Variants in MSRA observed in about 807,000 individuals in gnomAD.
MSRA encodes the protein methionine sulfoxide reductase A.
Under a neutral mutation model 31.3 loss-of-function variants are expected in MSRA, and 54 were observed. The observed-to-expected ratio is 1.73, with a 90% confidence interval of 1.39 to 2.17. The LOEUF is 2.17. MSRA is among the 30% of genes most tolerant of loss of function. The pLI is 0.00. For synonymous variants in MSRA, 169 were observed against 116.5 expected (o/e 1.45, Z -2.90); for missense variants, 507 against 300.9 (o/e 1.69, Z -5.07).
chr8:10,229,751 CAGTA>C (rs1417787523), intron 2 of MSRA, among the ~76,000 whole-genome samples: 5 of 152,172 alleles, frequency 3.3e-5, no homozygotes, highest in Non-Finnish European at 7.3e-5. Flanking sequence ...TGAGGCCACA[CAGTA>C]AGTGTTTCAG....
At chr8:10,184,494 GAC>G (rs1806845981) in intron 1 of MSRA, among the ~76,000 whole-genome samples, 1 of 151,990 alleles carries the variant, frequency 6.6e-6, no homozygotes, top group Admixed American at 6.6e-5. Flanking sequence ...TCTCTTTCCA[GAC>G]TGGGATTAAA....
At chr8:10,118,770 T>G (rs1159063426) in intron 1 of MSRA, among the ~76,000 whole-genome samples, 1 of 152,192 alleles carries the variant, frequency 6.6e-6, no homozygotes, top group Non-Finnish European at 1.5e-5. Flanking sequence ...AGCTCCTCTG[T>G]TACCTCCAAT....
chr8:10,331,132 A>C (rs978844816), intron 5 of MSRA, among the ~76,000 whole-genome samples: 1 of 152,260 alleles, frequency 6.6e-6, no homozygotes, highest in Non-Finnish European at 1.5e-5. Flanking sequence ...CTACCTTGCC[A>C]GAACCTTGAT....
At chr8:10,423,747 A>T (rs1808955450) in intron 5 of MSRA, among the ~76,000 whole-genome samples, 1 of 152,168 alleles carries the variant, frequency 6.6e-6, no homozygotes, top group African/African-American at 2.4e-5. Context: ...ACTCTGTGAC[A>T]CGGAAAGTGG....
chr8:10,177,052 T>C (rs1367653836), intron 1 of MSRA, among the ~76,000 whole-genome samples: 1 of 152,210 alleles, frequency 6.6e-6, no homozygotes, highest in Non-Finnish European at 1.5e-5. Context: ...TGAGAAATGG[T>C]TCTCAAGACT....
At chr8:10,101,648 T>C (rs892630046) in intron 1 of MSRA, among the ~76,000 whole-genome samples, 6 of 152,206 alleles carry the variant, frequency 3.9e-5, no homozygotes, top group African/African-American at 1.4e-4. Flanking sequence ...GTTTGTCCTT[T>C]TGTGACTGGC....
intron 3 of MSRA, among the ~76,000 whole-genome samples, chr8:10,281,776 C>G (rs531697982): frequency 6.6e-6 from 1 of 152,278 alleles, no homozygotes; most frequent in Admixed American, 6.5e-5. Flanking sequence ...GAAGTAGCAG[C>G]CTGCTTTGTA....
chr8:10,150,491 T>C lies in MSRA; in HGVS notation c.143-57342T>C, dbSNP rs149428314. On this transcript the variant is annotated intron_variant, in intron 1 of 5. Coordinates refer to ENST00000317173, the MANE Select transcript of MSRA (RefSeq NM_012331.5). ...CCTTTTATCAATTGAAACAAACCAA[T>C]TAAAAATTTCAAAATGCAACCATGT... 7.5e-4 allele frequency among the ~76,000 whole-genome samples: 114 copies of C among 152,214 alleles called. 1 individual carries two copies. In the East Asian group the frequency reaches 0.015, roughly 21 times the overall value.
chr8:10,279,842 G>A lies in MSRA; in HGVS notation c.332-21692G>A, dbSNP rs149801428. Among the ~76,000 whole-genome samples the A allele has an allele frequency of 3.0e-3, 463 of 152,262 alleles. 3 individuals are homozygous for A. Among genetic ancestry groups the A allele is most frequent in the Admixed American group, 4.5e-3 (69 of 15,280 alleles). On this transcript the variant is annotated intron_variant, in intron 3 of 5. Coordinates refer to ENST00000317173, the MANE Select transcript of MSRA (RefSeq NM_012331.5). The stretch of plus-strand genomic sequence containing the variant: ...CCATGAATATGTATATATGTATGAT[G>A]TAATCCTGAGTGTGCTTCTGGAGCT...
At chr8:10,079,370 G>C (rs1798166287) in intron 1 of MSRA, among the ~76,000 whole-genome samples, 1 of 152,088 alleles carries the variant, frequency 6.6e-6, no homozygotes, top group Admixed American at 6.5e-5. Flanking sequence ...GCCCAGGCTT[G>C]TCTCGAACTC....
chr8:10,399,366 G>C (rs537299687), intron 5 of MSRA, among the ~76,000 whole-genome samples: 45 of 152,290 alleles, frequency 3.0e-4, no homozygotes, highest in Non-Finnish European at 5.3e-4. Context: ...TTGGCGGTGG[G>C]CCTGGTGCCA....
intron 4 of MSRA, among the ~76,000 whole-genome samples, chr8:10,316,563 T>TCC (rs1801734388): frequency 9.4e-6 from 1 of 106,378 alleles, no homozygotes; most frequent in Non-Finnish European, 2.0e-5. Context: ...TCTCTCTCTC[T>TCC]CTCTCTCTCT....
chr8:10,241,315 T>G (rs2129079796), intron 2 of MSRA, among the ~76,000 whole-genome samples: 1 of 152,244 alleles, frequency 6.6e-6, no homozygotes, highest in Middle Eastern at 3.4e-3. Flanking sequence ...AAAGAAGCTA[T>G]GAGACAACTG....
At chr8:10,062,279 C>T (rs987828513) in intron 1 of MSRA, among the ~76,000 whole-genome samples, 8 of 152,194 alleles carry the variant, frequency 5.3e-5, no homozygotes, top group African/African-American at 1.4e-4. Context: ...CAGCTGACAT[C>T]GGCAACCCTC....
At chr8:10,256,882 T>C (rs1798212162) in intron 3 of MSRA, among the ~76,000 whole-genome samples, 1 of 152,144 alleles carries the variant, frequency 6.6e-6, no homozygotes, top group African/African-American at 2.4e-5. Flanking sequence ...CTGCCCTCCT[T>C]CTCCTGCCCC....
At chr8:10,379,368 T>C (rs1374641905) in intron 5 of MSRA, among the ~76,000 whole-genome samples, 1 of 152,130 alleles carries the variant, frequency 6.6e-6, no homozygotes, top group Non-Finnish European at 1.5e-5. Flanking sequence ...GGATCACCAC[T>C]GAACGTTCCC....
At chr8:10,188,539 C>G (rs1436024940) in intron 1 of MSRA, among the ~76,000 whole-genome samples, 2 of 152,186 alleles carry the variant, frequency 1.3e-5, no homozygotes, top group African/African-American at 4.8e-5. Context: ...GTTGTGAGCA[C>G]TTTCACATTT....
At chr8:10,301,309 A>T (rs947417366) in intron 3 of MSRA, among the ~76,000 whole-genome samples, 4 of 152,174 alleles carry the variant, frequency 2.6e-5, no homozygotes, top group African/African-American at 9.7e-5. Context: ...CACAATGTAG[A>T]AGTCATCGCA....
intron 3 of MSRA, among the ~76,000 whole-genome samples, chr8:10,286,320 G>A (rs1799935486): frequency 6.6e-6 from 1 of 152,140 alleles, no homozygotes; most frequent in South Asian, 2.1e-4. Context: ...GAATCATGGG[G>A]GCAGGTCTTT....
Sources: gnomAD v4.1 joint callset for allele counts (sites outside exome capture counted in the v4.1 genomes callset) on GRCh38, gnomAD v4.1.1 for gene constraint, MANE v1.5 for transcripts, NCBI Gene and HGNC (gene_info 2026-07-23, HGNC 2026-07-21) for gene names.